The following SYCP2 variants were observed in gnomAD, a reference collection of about 807,000 sequenced individuals.
SYCP2 encodes synaptonemal complex protein 2.
SYCP2 carries 55 observed loss-of-function variants against 211.3 expected under a neutral mutation model. That is an observed-to-expected ratio of 0.26 (90% CI 0.21 to 0.33). The LOEUF (loss-of-function observed/expected upper bound fraction) is 0.33. Ranked by LOEUF, SYCP2 falls within the 10% of genes least tolerant of loss-of-function variation. The pLI is 1.00. For missense variants in SYCP2, 1,731 were observed against 1,752.0 expected (o/e 0.99, Z 0.21); for synonymous variants, 570 against 555.2 (o/e 1.03, Z -0.37).
chr20:59,886,515 G>A (rs181932188), intron 25 of SYCP2, among the ~76,000 whole-genome samples, 192 bp downstream of exon 25: 81 of 152,048 alleles, frequency 5.3e-4, no homozygotes, highest in African/African-American at 1.9e-3. Context: ...ACAATAGAAT[G>A]ACAAATTTCA....
At chr20:59,930,780 G>GGAAACA (rs1341407213) in intron 2 of SYCP2, among the ~76,000 whole-genome samples, 15 of 151,814 alleles carry the variant, frequency 9.9e-5, no homozygotes, top group African/African-American at 3.6e-4. Context: ...AATTTTTTAA[G>GGAAACA]GAAACAATTA....
intron 14 of SYCP2, among the ~76,000 whole-genome samples, chr20:59,908,850 C>A (rs1157193460): frequency 6.6e-6 from 1 of 152,034 alleles, no homozygotes; most frequent in Non-Finnish European, 1.5e-5. Flanking sequence ...TTTATGAAAG[C>A]TCTTATCCTT....
intron 31 of SYCP2, among the ~76,000 whole-genome samples, chr20:59,880,035 A>T (rs913648840): frequency 9.3e-5 from 14 of 151,204 alleles, no homozygotes; most frequent in African/African-American, 3.4e-4. Flanking sequence ...ATAACTGGAT[A>T]ATACTGGGCC....
intron 26 of SYCP2, among the ~76,000 whole-genome samples, chr20:59,883,108 G>A (rs923560047): frequency 2.0e-5 from 3 of 152,128 alleles, no homozygotes; most frequent in Non-Finnish European, 4.4e-5. Flanking sequence ...CAGCACTTTG[G>A]GAGGCCAAGG....
chr20:59,865,455 G>GT lies in SYCP2; in HGVS notation c.4459-12dup. The GT allele has an allele frequency of 6.2e-7, 1 of 1,605,750 alleles. No homozygotes were observed. The stretch of plus-strand genomic sequence containing the variant: ...TTTCATCAAACACATCTGTAAAAAA[G>GT]TAAATATATTTCACCCATGAAATTT... On this transcript the variant is annotated splice_polypyrimidine_tract_variant and intron_variant, in intron 43 of 44. Coordinates refer to ENST00000357552, the MANE Select transcript of SYCP2 (RefSeq NM_014258.4).
chr20:59,923,491 GA>G (rs1333075874), intron 2 of SYCP2, among the ~76,000 whole-genome samples: 6 of 151,500 alleles, frequency 4.0e-5, no homozygotes, highest in African/African-American at 1.5e-4. Context: ...ATAATTATGG[GA>G]ATTTTTTTTT....
At chr20:59,886,993 TTAAAA>T (rs766169756) in intron 24 of SYCP2, among the ~76,000 whole-genome samples, 159 bp from the exon 25 acceptor site, 6 of 151,462 alleles carry the variant, frequency 4.0e-5, no homozygotes, top group South Asian at 2.1e-4. Flanking sequence ...TTGTTAGGCA[TTAAAA>T]TAAGATAATT....
At chr20:59,909,814 T>C (rs965116732) in intron 14 of SYCP2, among the ~76,000 whole-genome samples, 1 of 152,208 alleles carries the variant, frequency 6.6e-6, no homozygotes, top group African/African-American at 2.4e-5. Context: ...AACAAAATGA[T>C]TTTAAATAAT....
At chr20:59,907,109 C>A (rs1452326236) in intron 15 of SYCP2, among the ~76,000 whole-genome samples, 2 of 152,052 alleles carry the variant, frequency 1.3e-5, no homozygotes, top group Non-Finnish European at 2.9e-5. Context: ...GGTCAGGAGC[C>A]TTAAACATAG....
At chr20:59,896,336 T>C in intron 19 of SYCP2, 93 bp downstream of exon 19, 6 of 669,180 alleles carry the variant, frequency 9.0e-6, no homozygotes, top group Non-Finnish European at 1.5e-5. Flanking sequence ...ACCAAACTTA[T>C]CCTTTATGTA....
intron 14 of SYCP2, among the ~76,000 whole-genome samples, chr20:59,908,365 T>A (rs1208298924): frequency 1.3e-5 from 2 of 152,272 alleles, no homozygotes; most frequent in Admixed American, 6.5e-5. Context: ...ACCAATTCCC[T>A]TCTCTCCTAT....
chr20:59,930,277 G>T (rs2060713074), intron 2 of SYCP2, among the ~76,000 whole-genome samples: 1 of 152,060 alleles, frequency 6.6e-6, no homozygotes, highest in Non-Finnish European at 1.5e-5. Flanking sequence ...AAAAAAAAAT[G>T]CTTAAAGAAG....
chr20:59,908,172 C>T (rs557320845), intron 14 of SYCP2, among the ~76,000 whole-genome samples: 59 of 152,220 alleles, frequency 3.9e-4, no homozygotes, highest in Non-Finnish European at 8.2e-4. Flanking sequence ...TGGCGTGAAC[C>T]CGGGAGGCGG....
intron 14 of SYCP2, among the ~76,000 whole-genome samples, chr20:59,909,325 A>G (rs2060272394): frequency 6.6e-6 from 1 of 152,246 alleles, no homozygotes; most frequent in Non-Finnish European, 1.5e-5. Context: ...TTAAAAAATT[A>G]CAAACAAATC....
rs1248227915 is a variant in SYCP2 at position 59,916,641 on chromosome 20, A to G, written c.428-70T>C. On this transcript the variant is annotated intron_variant, in intron 7 of 44. Transcript: ENST00000357552. Reference sequence around the variant, plus strand: ...CTCTTAACTGTCAGTCTTTTCTTATAAGAGTTAGTGGAAAGGGGCCAGGCA... The same window carrying G: ...CTCTTAACTGTCAGTCTTTTCTTATGAGAGTTAGTGGAAAGGGGCCAGGCA... The G allele has an allele frequency of 2.1e-5, 23 of 1,100,008 alleles. 1 individual carries two copies. The Admixed American group carries it at 4.0e-4, about 19-fold the overall frequency. The allele number at this position is 1,100,008 out of a possible 1,614,324, so 68.1% of individuals were successfully genotyped here.
intron 31 of SYCP2, among the ~76,000 whole-genome samples, chr20:59,878,930 A>G (rs2059611812): frequency 6.6e-6 from 1 of 152,154 alleles, no homozygotes; most frequent in Non-Finnish European, 1.5e-5. Context: ...AATCTTGGCA[A>G]TAAGTCAACT....
chr20:59,872,273 A>G (rs902197119), intron 35 of SYCP2, among the ~76,000 whole-genome samples: 1 of 152,008 alleles, frequency 6.6e-6, no homozygotes, highest in Admixed American at 6.6e-5. Flanking sequence ...GTGTGGTGCC[A>G]TGAAATCTCT....
chr20:59,869,812 G>C lies in SYCP2; in HGVS notation c.3727C>G (p.Gln1243Glu). 2 of 1,600,462 alleles carry C rather than the reference G, an allele frequency of 1.2e-6. No individual in the cohort carries two copies. Among genetic ancestry groups the C allele is most frequent in the Non-Finnish European group, 1.7e-6 (2 of 1,170,672 alleles). ...CCCACACTTACCTCTCTTTTGCTTT[G>C]TATATAATTTTCATTGATATGTGGA... ...ESPHINENYIQSKREESHLAS... is the reference protein window; with the variant it reads ...ESPHINENYIESKREESHLAS... The change falls in exon 36 of 45, where the codon CAA (glutamine) becomes GAA (glutamate). Residue 1243 changes from glutamine to glutamate, a missense_variant. By Grantham distance (29) the Gln-to-Glu change is conservative. Around this residue, in one of 3 missense-constraint regions of SYCP2, gnomAD observed 1,387 missense variants for 1,351.3 expected, o/e 1.03. Transcript: ENST00000357552.
In SYCP2 at chr20:59,892,710, TA is replaced by T. The variant is rs1364449198; in HGVS notation, c.1794-10del. The T allele has an allele frequency of 2.5e-6, 4 of 1,597,422 alleles. No individual in the cohort carries two copies. Among genetic ancestry groups the T allele is most frequent in the Non-Finnish European group, 3.4e-6 (4 of 1,173,812 alleles). On this transcript the variant is annotated splice_polypyrimidine_tract_variant and intron_variant, in intron 22 of 44. Transcript: ENST00000357552. ...CTAAAACACCAGGTAATCTAGAAAA[TA>T]AATTAATTTGCTTAATGTTACAAAA...
Sources: gnomAD v4.1 joint callset for allele counts (sites outside exome capture counted in the v4.1 genomes callset) on GRCh38, gnomAD v4.1.1 for gene constraint, gnomAD v4.1.1 regional missense constraint, MANE v1.5 for transcripts, NCBI Gene and HGNC (gene_info 2026-07-23, HGNC 2026-07-21) for gene names.